The following PCDHGA9 variants were observed in gnomAD, a reference collection of about 807,000 sequenced individuals.
PCDHGA9 encodes protocadherin gamma-A9.
In PCDHGA9, 37 loss-of-function variants were observed where a neutral mutation model predicts 62.5. That is an observed-to-expected ratio of 0.59 (90% CI 0.46 to 0.78). PCDHGA9 has a LOEUF of 0.78. PCDHGA9 is among the 30% of genes least tolerant of loss of function. The pLI is 0.00. For synonymous variants in PCDHGA9, 459 were observed against 484.6 expected (o/e 0.95, Z 0.69); for missense variants, 1,138 against 1,166.2 (o/e 0.98, Z 0.35).
intron 1 of PCDHGA9, among the ~76,000 whole-genome samples, chr5:141,461,391 G>A (rs1310387476): frequency 1.3e-5 from 2 of 152,058 alleles, no homozygotes; most frequent in East Asian, 1.9e-4. Context: ...GATGATTAGC[G>A]ATGTTGAGCA....
rs1259562533 is a variant in PCDHGA9 at position 141,482,788 on chromosome 5, G to T, written c.2425-12019G>T. 2.6e-5 allele frequency among the ~76,000 whole-genome samples: 4 copies of T among 152,184 alleles called. 1 individual carries two copies. Among genetic ancestry groups the T allele is most frequent in the Admixed American group, 2.6e-4 (4 of 15,278 alleles). ...TATCACTGAACCTTAAACTGTGTGTGTGGCCGGGTACGGTGGCTCATGCCT... is the reference window on the plus strand; with the variant it reads ...TATCACTGAACCTTAAACTGTGTGTTTGGCCGGGTACGGTGGCTCATGCCT... On this transcript the variant is annotated intron_variant, in intron 1 of 3. Transcript: ENST00000573521.
intron 1 of PCDHGA9, chr5:141,418,297 C>T (rs760176371): frequency 2.5e-6 from 4 of 1,614,026 alleles, no homozygotes; most frequent in African/African-American, 2.7e-5. Flanking sequence ...GTGAATCCGT[C>T]AGCCTGGGGA....
At chr5:141,474,148 A>G (rs773360112) in intron 1 of PCDHGA9, among the ~76,000 whole-genome samples, 4 of 152,244 alleles carry the variant, frequency 2.6e-5, no homozygotes, top group Non-Finnish European at 5.9e-5. Context: ...CTTATTATCA[A>G]GAAAATGACA....
At chr5:141,467,167 C>T (rs2099138606) in intron 1 of PCDHGA9, among the ~76,000 whole-genome samples, 1 of 151,832 alleles carries the variant, frequency 6.6e-6, no homozygotes, top group Non-Finnish European at 1.5e-5. Context: ...ATTCTCATCT[C>T]TCAGCCTCCC....
chr5:141,446,458 G>A (rs2098502933), intron 1 of PCDHGA9, among the ~76,000 whole-genome samples: 1 of 151,662 alleles, frequency 6.6e-6, no homozygotes, highest in African/African-American at 2.4e-5. Flanking sequence ...TATTCAGTGT[G>A]TGATTAGACA....
intron 1 of PCDHGA9, among the ~76,000 whole-genome samples, chr5:141,483,648 TTGTGTGTG>T (rs111458813): frequency 6.7e-6 from 1 of 149,592 alleles, no homozygotes; most frequent in Non-Finnish European, 1.5e-5. Flanking sequence ...GGGTGTGTGT[TTGTGTGTG>T]TGTGTGTGTG....
At chr5:141,415,352 C>T in intron 1 of PCDHGA9, 1 of 1,614,228 alleles carries the variant, frequency 6.2e-7, no homozygotes, top group Non-Finnish European at 8.5e-7. Context: ...TGGCACAAGT[C>T]ACGCCTGCTG....
rs191909737 is a variant in PCDHGA9 at position 141,405,622 on chromosome 5, G to A, written c.2424+246G>A. 9.3e-3 allele frequency: 5,090 copies of A among 544,656 alleles called. 46 individuals are homozygous for A. The highest frequency in any genetic ancestry group is 0.017 in the Admixed American group (494 of 29,130). The allele number at this position is 544,656 out of a possible 1,614,324, so 33.7% of individuals were successfully genotyped here. On this transcript the variant is annotated intron_variant, in intron 1 of 3. Transcript: ENST00000573521. ...GTAGAATAACTGGGACTACAGGCAC[G>A]TGCCACCACGCCCGGCTAATTTTTT...
chr5:141,423,230 G>A (rs1223173152), intron 1 of PCDHGA9: 1 of 1,613,872 alleles, frequency 6.2e-7, no homozygotes, highest in East Asian at 2.2e-5. Flanking sequence ...GTGGCCGACA[G>A]CATCCCCGAA....
intron 1 of PCDHGA9, among the ~76,000 whole-genome samples, chr5:141,478,999 A>C (rs1220971456): frequency 2.0e-5 from 3 of 152,194 alleles, no homozygotes. Context: ...ATTAAAACTA[A>C]TAGCTTTTTG....
chr5:141,469,436 G>A (rs556417221), intron 1 of PCDHGA9, among the ~76,000 whole-genome samples: 11 of 152,118 alleles, frequency 7.2e-5, no homozygotes, highest in East Asian at 1.9e-4. Flanking sequence ...TTAGCTGGGC[G>A]TGGTGGTGCA....
At position 141,431,952 on chromosome 5, in the gene PCDHGA9, AC is replaced by A; in HGVS notation, c.2424+26577del. ...CTGCCCTTTAAATTAGAAAAATCTTACGGAAATTACTATAGTTTAGTCACAG... is the reference window on the plus strand; with the variant it reads ...CTGCCCTTTAAATTAGAAAAATCTTAGGAAATTACTATAGTTTAGTCACAG... On this transcript the variant is annotated intron_variant, in intron 1 of 3. Transcript: ENST00000573521. This position sits in a 1 kb window ranked among gnomAD's most constrained non-coding sequence, Gnocchi z 4.8. 1 of 1,614,166 alleles carries A rather than the reference AC, an allele frequency of 6.2e-7. No homozygotes were observed. The highest frequency in any genetic ancestry group is 1.1e-5 in the South Asian group (1 of 91,090).
In PCDHGA9 at chr5:141,432,112, C is replaced by T; in HGVS notation, c.2424+26736C>T. ...CAGACACCAACGACAACCCGCCGGT[C>T]TTCCCTCAGGCCTCCTATTCCGCTT... On this transcript the variant is annotated intron_variant, in intron 1 of 3. Transcript: ENST00000573521. The surrounding 1 kb of genome is among the most constrained non-coding windows in gnomAD (Gnocchi z 6.0). 1 of 1,614,186 alleles carries T rather than the reference C, an allele frequency of 6.2e-7. No individual in the cohort carries two copies. The highest frequency in any genetic ancestry group is 8.5e-7 in the Non-Finnish European group (1 of 1,180,042).
At chr5:141,420,817 A>G (rs547074952) in intron 1 of PCDHGA9, among the ~76,000 whole-genome samples, 2 of 152,354 alleles carry the variant, frequency 1.3e-5, no homozygotes, top group South Asian at 2.1e-4. Flanking sequence ...AGCCCTTTTA[A>G]TAATTACTCC....
chr5:141,478,857 C>A, intron 1 of PCDHGA9: 1 of 1,353,600 alleles, frequency 7.4e-7, no homozygotes, highest in Non-Finnish European at 9.8e-7. Context: ...AACACAAGAT[C>A]TCAGCGATCA....
At chr5:141,454,313 G>A (rs986902404) in intron 1 of PCDHGA9, among the ~76,000 whole-genome samples, 1 of 152,296 alleles carries the variant, frequency 6.6e-6, no homozygotes, top group Non-Finnish European at 1.5e-5. Context: ...TCAAAGCATT[G>A]AAACCTCCAA....
Position 141,487,229 on chromosome 5 carries a change from G to A in PCDHGA9, c.2425-7578G>A. On this transcript the variant is annotated intron_variant, in intron 1 of 3. Coordinates refer to ENST00000573521, the MANE Select transcript of PCDHGA9 (RefSeq NM_018921.3). The surrounding 1 kb of genome is among the most constrained non-coding windows in gnomAD (Gnocchi z 5.0). ...AGAATCTTCAGCTCCAAGGGAAGGA[G>A]AATCTCGTCTAACCCTCTACTTGGC... is the stretch of plus-strand genomic sequence containing the variant. The A allele has an allele frequency of 6.2e-7, 1 of 1,614,138 alleles. No individual in the cohort carries two copies. The highest frequency in any genetic ancestry group is 8.5e-7 in the Non-Finnish European group (1 of 1,179,994).
intron 1 of PCDHGA9, chr5:141,423,722 G>T: frequency 1.0e-6 from 1 of 954,174 alleles, no homozygotes; most frequent in Non-Finnish European, 1.3e-6. Flanking sequence ...TTAAGGAGAT[G>T]TTTTTTGAGC....
At chr5:141,478,816 A>G in intron 1 of PCDHGA9, 1 of 1,450,826 alleles carries the variant, frequency 6.9e-7, no homozygotes, top group Non-Finnish European at 9.1e-7. Context: ...TATCACAACT[A>G]ACCAATCTTG....
Sources: gnomAD v4.1 joint callset for allele counts (sites outside exome capture counted in the v4.1 genomes callset) on GRCh38, gnomAD v4.1.1 for gene constraint, Gnocchi (gnomAD v3.1) non-coding constraint, MANE v1.5 for transcripts, NCBI Gene and HGNC (gene_info 2026-07-23, HGNC 2026-07-21) for gene names.